Variants in OPHN1 observed in about 807,000 individuals in gnomAD.
OPHN1 encodes the protein oligophrenin 1.
A neutral mutation model predicts 60.7 loss-of-function variants in OPHN1; 11 were observed. The observed-to-expected ratio is 0.18, with a 90% CI of 0.11 to 0.30. The LOEUF (loss-of-function observed/expected upper bound fraction) is 0.30, where lower values mean the gene tolerates loss of function less well. Among genes scored for constraint, OPHN1 ranks in the 10% least tolerant of loss-of-function variants. The pLI is 1.00. For synonymous variants in OPHN1, 226 were observed against 222.6 expected (o/e 1.02, Z -0.14); for missense variants, 449 against 611.0 (o/e 0.73, Z 2.80).
intron 15 of OPHN1, among the ~76,000 whole-genome samples, chrX:68,128,507 AGAGAGAGAG>A (rs1357703059): frequency 1.1e-4 from 8 of 73,523 alleles, no homozygotes; most frequent in Non-Finnish European, 1.4e-4. Context: ...TGTGTGGGAG[AGAGAGAGAG>A]GAGAGTGATT....
intron 2 of OPHN1, among the ~76,000 whole-genome samples, chrX:68,398,519 A>G (rs1462169097): frequency 8.9e-6 from 1 of 112,157 alleles, no homozygotes; most frequent in Non-Finnish European, 1.9e-5. Flanking sequence ...CAGGGCTATC[A>G]GGTTTATAAA....
intron 2 of OPHN1, among the ~76,000 whole-genome samples, chrX:68,367,472 C>G (rs939328137): frequency 9.0e-6 from 1 of 110,626 alleles, no homozygotes; most frequent in African/African-American, 3.3e-5. Flanking sequence ...CAGGTCACCT[C>G]AAAATGGTAG....
intron 15 of OPHN1, among the ~76,000 whole-genome samples, chrX:68,139,694 T>A (rs2077234403): frequency 8.9e-6 from 1 of 112,485 alleles, no homozygotes; most frequent in African/African-American, 3.2e-5. Context: ...TTGTGCTAAG[T>A]ACATTTATAA....
chrX:68,221,286 A>G (rs2077656102), intron 6 of OPHN1, among the ~76,000 whole-genome samples: 2 of 48,403 alleles, frequency 4.1e-5, no homozygotes, highest in South Asian at 3.4e-3. Flanking sequence ...AGAGGATACA[A>G]ACAAATGGAA....
chrX:68,416,061 TATATATAGAGAGAGAGAGAG>T (rs1171304248), intron 2 of OPHN1, among the ~76,000 whole-genome samples: 64 of 6,291 alleles, frequency 0.01, no homozygotes, highest in African/African-American at 0.014. Flanking sequence ...TATATATATA[TATATATAGAGAGAGAGAGAG>T]AGAGAGAGAG....
intron 4 of OPHN1, among the ~76,000 whole-genome samples, chrX:68,276,859 C>T (rs754082438): frequency 9.9e-5 from 11 of 110,666 alleles, no homozygotes; most frequent in Admixed American, 2.9e-4. Context: ...CCTGAGATTA[C>T]CAAACAGAAG....
At chrX:68,050,070 G>T (rs1293727737) in intron 23 of OPHN1, among the ~76,000 whole-genome samples, 6 of 112,112 alleles carry the variant, frequency 5.4e-5, no homozygotes, top group African/African-American at 1.3e-4. Flanking sequence ...GATGAGAGAA[G>T]AACTTAGCAA....
intron 2 of OPHN1, among the ~76,000 whole-genome samples, chrX:68,312,252 A>ATTTTT (rs1238021221): frequency 6.3e-4 from 44 of 69,797 alleles, no homozygotes; most frequent in East Asian, 8.3e-4. Flanking sequence ...GGCTCGGCTA[A>ATTTTT]TTTTTTTTTT....
chrX:68,065,930 G>A (rs746589392), intron 20 of OPHN1, among the ~76,000 whole-genome samples: 22 of 112,138 alleles, frequency 2.0e-4, no homozygotes, highest in South Asian at 7.4e-4. Flanking sequence ...CAAAGGGGCC[G>A]GAACCAAGGG....
At chrX:68,405,026 TG>T (rs1373245505) in intron 2 of OPHN1, among the ~76,000 whole-genome samples, 1 of 112,342 alleles carries the variant, frequency 8.9e-6, no homozygotes, top group Admixed American at 9.5e-5. Context: ...ACTACTGAAC[TG>T]TACATTTAAA....
intron 16 of OPHN1, among the ~76,000 whole-genome samples, chrX:68,118,643 CA>C (rs753585292): frequency 8.9e-6 from 1 of 111,869 alleles, no homozygotes; most frequent in Admixed American, 9.5e-5. Context: ...GCACCTTTTG[CA>C]TAATATAAAT....
At chrX:68,414,009 C>G (rs1313172697) in intron 2 of OPHN1, among the ~76,000 whole-genome samples, 3 of 111,450 alleles carry the variant, frequency 2.7e-5, no homozygotes, top group Non-Finnish European at 5.6e-5. Context: ...CTCTGTCTCT[C>G]TTAATCCTTA....
chrX:68,256,450 C>T (rs866884399), intron 5 of OPHN1, among the ~76,000 whole-genome samples: 1 of 111,815 alleles, frequency 8.9e-6, no homozygotes, highest in African/African-American at 3.2e-5. Context: ...GACTCCTATA[C>T]CCTTACTATC....
chrX:68,290,886 T>C (rs139153442), intron 3 of OPHN1, among the ~76,000 whole-genome samples: 68 of 111,630 alleles, frequency 6.1e-4, no homozygotes, highest in African/African-American at 2.1e-3. Flanking sequence ...GAGAATTAGA[T>C]AGTGTACACA....
chrX:68,353,408 GAAAAAAAAAAA>G (rs766331200), intron 2 of OPHN1, among the ~76,000 whole-genome samples: 6 of 48,157 alleles, frequency 1.2e-4, no homozygotes, highest in Admixed American at 5.9e-4. Flanking sequence ...GTCTCTACAG[GAAAAAAAAAAA>G]AAAAAAAAAA....
chrX:68,158,687 G>A lies in OPHN1; in HGVS notation c.1276+34232C>T, dbSNP rs750477826. The stretch of plus-strand genomic sequence containing the variant: ...CCCCTTCCCCTGGATGGCTTAGCAG[G>A]ATAAAGTTTTGCTTATGGCTGGGGC... On this transcript the variant is annotated intron_variant, in intron 15 of 24. Coordinates refer to ENST00000355520, the MANE Select transcript of OPHN1 (RefSeq NM_002547.3). 9.2e-4 allele frequency among the ~76,000 whole-genome samples: 103 copies of A among 112,008 alleles called. No homozygotes were observed. The Middle Eastern group carries it at 0.019, about 20-fold the overall frequency.
At chrX:68,126,355 G>A (rs1025041878) in intron 15 of OPHN1, among the ~76,000 whole-genome samples, 1 of 110,993 alleles carries the variant, frequency 9.0e-6, no homozygotes, top group African/African-American at 3.3e-5. Context: ...TGATTGTATA[G>A]CATATTGGTC....
At chrX:68,407,649 T>C (rs2078750235) in intron 2 of OPHN1, among the ~76,000 whole-genome samples, 1 of 111,929 alleles carries the variant, frequency 8.9e-6, no homozygotes, top group African/African-American at 3.2e-5. Context: ...TCAGAATAAA[T>C]AAGAACCATG....
At chrX:68,142,788 T>C (rs951022285) in intron 15 of OPHN1, among the ~76,000 whole-genome samples, 4 of 111,987 alleles carry the variant, frequency 3.6e-5, no homozygotes, top group African/African-American at 1.3e-4. Context: ...TTATTTTATT[T>C]AAATTATAAT....
Sources: gnomAD v4.1 joint callset for allele counts (sites outside exome capture counted in the v4.1 genomes callset) on GRCh38, gnomAD v4.1.1 for gene constraint, MANE v1.5 for transcripts, NCBI Gene and HGNC (gene_info 2026-07-23, HGNC 2026-07-21) for gene names.